ASIC2: variants seen among roughly 807,000 people sequenced by gnomAD.
ASIC2 encodes acid-sensing ion channel 2.
Under a neutral mutation model 57.3 loss-of-function variants are expected in ASIC2, and 25 were observed. The ratio of observed to expected loss-of-function variants is 0.44; its 90% CI spans 0.32 to 0.61. The LOEUF (loss-of-function observed/expected upper bound fraction) is 0.61. Among genes scored for constraint, ASIC2 ranks in the 20% least tolerant of loss-of-function variants. The pLI is 0.06. For synonymous variants in ASIC2, 319 were observed against 307.5 expected, an observed-to-expected ratio of 1.04 and a Z score of -0.39; for missense variants, 641 against 738.1, an observed-to-expected ratio of 0.87 and a Z score of 1.52.
At chr17:34,144,139 A>G (rs1411227436) in intron 1 of ASIC2, among the ~76,000 whole-genome samples, 1 of 152,102 alleles carries the variant, frequency 6.6e-6, no homozygotes, top group Non-Finnish European at 1.5e-5. Context: ...TTTCCATACA[A>G]AAAAAAGATA....
chr17:33,103,565 C>T (rs866167923), intron 2 of ASIC2, among the ~76,000 whole-genome samples: 3 of 152,150 alleles, frequency 2.0e-5, no homozygotes, highest in Admixed American at 2.0e-4. Flanking sequence ...TCCTTAAAGG[C>T]TTCCTTGTGT....
intron 1 of ASIC2, among the ~76,000 whole-genome samples, chr17:33,933,943 G>A (rs1377918916): frequency 6.6e-6 from 1 of 152,212 alleles, no homozygotes; most frequent in African/African-American, 2.4e-5. Context: ...TCCTTCCAAG[G>A]CAGCCGAGCT....
chr17:33,555,350 T>A (rs1375348808), intron 1 of ASIC2, among the ~76,000 whole-genome samples: 1 of 152,176 alleles, frequency 6.6e-6, no homozygotes, highest in Non-Finnish European at 1.5e-5. Context: ...TATTAACAGC[T>A]GACACCAAAA....
intron 1 of ASIC2, among the ~76,000 whole-genome samples, chr17:33,846,790 T>G (rs1913618761): frequency 3.3e-5 from 5 of 151,604 alleles, no homozygotes; most frequent in Admixed American, 3.3e-4. Flanking sequence ...AGTGGCACGA[T>G]CTCGGCTCAC....
At chr17:33,036,559 G>T (rs976475292) in intron 3 of ASIC2, among the ~76,000 whole-genome samples, 14 of 152,056 alleles carry the variant, frequency 9.2e-5, no homozygotes, top group Non-Finnish European at 1.6e-4. Context: ...GCCTCCCAAG[G>T]AGTTAGGACT....
chr17:33,335,939 C>A (rs868587208), intron 1 of ASIC2, among the ~76,000 whole-genome samples: 4 of 152,170 alleles, frequency 2.6e-5, no homozygotes, highest in African/African-American at 9.7e-5. Flanking sequence ...GCAGCAGAAT[C>A]TCCTTTGAAT....
chr17:33,961,398 G>A (rs1280214561), intron 1 of ASIC2, among the ~76,000 whole-genome samples: 1 of 149,300 alleles, frequency 6.7e-6, no homozygotes, highest in African/African-American at 2.5e-5. Context: ...CATCACAGTT[G>A]GTGGTTGGAG....
chr17:34,128,688 T>C (rs1911860623), intron 1 of ASIC2, among the ~76,000 whole-genome samples: 1 of 152,226 alleles, frequency 6.6e-6, no homozygotes, highest in Admixed American at 6.5e-5. Context: ...GCACTCTCTT[T>C]AAATGAAGCA....
Position 33,101,692 on chromosome 17 carries a change from C to A in ASIC2, c.859+10225G>T, listed in dbSNP as rs541735415. On this transcript the variant is annotated intron_variant, in intron 2 of 9. Transcript: ENST00000225823. ...TTAGATGATGTGTTCCACGATGCTG[C>A]CTTTCCTTTCACCCTCCAAATATAG... Among the ~76,000 whole-genome samples, 4 of 152,254 alleles carry A rather than the reference C, an allele frequency of 2.6e-5. No individual in the cohort carries two copies. The East Asian group carries it at 7.7e-4, about 29-fold the overall frequency.
chr17:33,674,738 C>T (rs1193083350), intron 1 of ASIC2, among the ~76,000 whole-genome samples: 4 of 152,180 alleles, frequency 2.6e-5, no homozygotes, highest in Admixed American at 2.6e-4. Flanking sequence ...ATATCCAGGG[C>T]TCTAGTGCTG....
chr17:34,105,615 C>T (rs938748334), intron 1 of ASIC2, among the ~76,000 whole-genome samples: 2 of 151,058 alleles, frequency 1.3e-5, no homozygotes, highest in African/African-American at 4.9e-5. Flanking sequence ...TTAGCTTCAT[C>T]CCTTGCTTGT....
chr17:33,908,344 G>T (rs317348), intron 1 of ASIC2, among the ~76,000 whole-genome samples: 32,871 of 152,118 alleles, frequency 0.22, 3,766 homozygotes, highest in East Asian at 0.38. Flanking sequence ...ACAATATTGA[G>T]CCAGGGGTCA....
At chr17:33,097,206 C>G (rs1261412627) in intron 2 of ASIC2, among the ~76,000 whole-genome samples, 1 of 152,152 alleles carries the variant, frequency 6.6e-6, no homozygotes, top group Non-Finnish European at 1.5e-5. Context: ...AGGCTGGGAC[C>G]CTGAGCTGCT....
chr17:33,715,567 G>T (rs1909192284), intron 1 of ASIC2, among the ~76,000 whole-genome samples: 1 of 152,278 alleles, frequency 6.6e-6, no homozygotes, highest in Admixed American at 6.5e-5. Context: ...TTCTACTGTG[G>T]CATTGTAATG....
At chr17:33,072,250 T>C (rs988430341) in intron 3 of ASIC2, among the ~76,000 whole-genome samples, 2 of 152,204 alleles carry the variant, frequency 1.3e-5, no homozygotes, top group Non-Finnish European at 2.9e-5. Flanking sequence ...TCTCATCTCT[T>C]TGGGGTCACC....
chr17:33,216,500 C>G (rs1907494096), intron 1 of ASIC2, among the ~76,000 whole-genome samples: 1 of 152,086 alleles, frequency 6.6e-6, no homozygotes, highest in Non-Finnish European at 1.5e-5. Context: ...GATAAGATGT[C>G]CTGAATGACG....
Position 34,150,262 on chromosome 17 carries a change from G to T in ASIC2, c.555+5716C>A, listed in dbSNP as rs191390027. 5.2e-4 allele frequency among the ~76,000 whole-genome samples: 79 copies of T among 152,212 alleles called. 1 individual carries two copies. In the East Asian group the frequency reaches 8.5e-3, roughly 16 times the overall value. On this transcript the variant is annotated intron_variant, in intron 1 of 9. Transcript: ENST00000359872. ...GTGGCAGGGTGGATAGGTGAGATAT[G>T]GATCAAAGGACATAAAATTTCAGTT...
At position 33,997,307 on chromosome 17, in the gene ASIC2, A is replaced by AT. The variant is rs71147411; in HGVS notation, c.555+158670dup. On this transcript the variant is annotated intron_variant, in intron 1 of 9. Coordinates refer to the ASIC2 transcript ENST00000359872. ...AGGCACTTTCCACCATGCACGGTTA[A>AT]TTTTTTTTTTTTTTTTTTTTTTTTT... Among the ~76,000 whole-genome samples the AT allele has an allele frequency of 9.6e-3, 824 of 85,784 alleles. 20 individuals carry two copies. The highest frequency in any genetic ancestry group is 0.014 in the Non-Finnish European group (686 of 48,370). 56.3% of individuals were successfully genotyped at this position (85,784 alleles called of 152,430 possible).
At chr17:33,893,601 C>A (rs1412006412) in intron 1 of ASIC2, among the ~76,000 whole-genome samples, 2 of 152,126 alleles carry the variant, frequency 1.3e-5, no homozygotes, top group Non-Finnish European at 2.9e-5. Flanking sequence ...GCTGGGGACA[C>A]AAATTAGGAG....
Sources: allele counts gnomAD v4.1 joint callset (sites outside exome capture counted in the v4.1 genomes callset), GRCh38; gene constraint gnomAD v4.1.1; transcripts MANE v1.5; gene names NCBI Gene and HGNC (gene_info 2026-07-23, HGNC 2026-07-21).